Variants in RFX7 observed in about 807,000 individuals in gnomAD.
RFX7 encodes regulatory factor X7.
RFX7 carries 26 observed loss-of-function variants against 111.8 expected under a neutral mutation model. That is an observed-to-expected ratio of 0.23 (90% CI 0.17 to 0.32). The LOEUF (loss-of-function observed/expected upper bound fraction) is 0.32. RFX7 is among the 10% of genes least tolerant of loss of function. The pLI, the probability that RFX7 is intolerant of heterozygous loss-of-function variation, is 1.00. For synonymous variants in RFX7, 624 were observed against 624.4 expected, an observed-to-expected ratio of 1.00 and a Z score of 0.01; for missense variants, 1,573 against 1,772.9, an observed-to-expected ratio of 0.89 and a Z score of 2.02.
intron 8 of RFX7, among the ~76,000 whole-genome samples, chr15:56,098,841 C>T (rs1244853457): frequency 6.6e-6 from 1 of 152,124 alleles, no homozygotes; most frequent in African/African-American, 2.4e-5. Flanking sequence ...TTTGCTGAAG[C>T]CACTCCTCAT....
intron 6 of RFX7, 52 bp downstream of exon 6, chr15:56,103,502 A>AT (rs751628047): frequency 8.6e-6 from 10 of 1,159,044 alleles, no homozygotes; most frequent in Admixed American, 2.4e-5. Flanking sequence ...TAGATGTTCT[A>AT]TAACAAGTGA....
At chr15:56,201,568 A>C (rs1383223315) in intron 2 of RFX7, among the ~76,000 whole-genome samples, 2 of 152,204 alleles carry the variant, frequency 1.3e-5, no homozygotes, top group African/African-American at 4.8e-5. Context: ...TTATTAGTGG[A>C]AATAGGTAAA....
intron 2 of RFX7, among the ~76,000 whole-genome samples, chr15:56,220,120 T>C (rs1396102724): frequency 2.6e-5 from 4 of 152,262 alleles, no homozygotes; most frequent in African/African-American, 9.6e-5. Context: ...TGCATTTCTC[T>C]AATGATTAGT....
chr15:56,139,361 T>TCATTTCATC (rs1468547930), intron 5 of RFX7, among the ~76,000 whole-genome samples: 3 of 152,210 alleles, frequency 2.0e-5, no homozygotes, highest in Non-Finnish European at 4.4e-5. Context: ...TTCATTTCAT[T>TCATTTCATC]CATTTCATCA....
rs373965645 is a variant in RFX7, at chr15:56,101,345, C to T, written c.811+14G>A. On this transcript the variant is annotated intron_variant, in intron 8 of 9. Coordinates refer to ENST00000559447, the MANE Select transcript of RFX7 (RefSeq NM_022841.7). ...CCTCTGTCAGTTTTTAGCTTGTTCA[C>T]AGTAATGTTGTACCTGCTGGTGCTG... 1.4e-5 allele frequency: 22 copies of T among 1,562,800 alleles called. 1 individual carries two copies. The highest frequency in any genetic ancestry group is 3.8e-5 in the Admixed American group (2 of 52,520).
intron 2 of RFX7, among the ~76,000 whole-genome samples, chr15:56,238,903 GGCT>G (rs1258511910): frequency 6.6e-6 from 1 of 151,980 alleles, no homozygotes; most frequent in East Asian, 1.9e-4. Flanking sequence ...GCATGATCTC[GGCT>G]CACTGCAACC....
intron 8 of RFX7, among the ~76,000 whole-genome samples, chr15:56,099,366 G>C (rs1315580371): frequency 6.6e-6 from 1 of 152,158 alleles, no homozygotes; most frequent in Non-Finnish European, 1.5e-5. Context: ...ACTCAATAAT[G>C]ATGAGGATCT....
At chr15:56,163,274 T>C (rs955752695) in intron 3 of RFX7, among the ~76,000 whole-genome samples, 1 of 152,122 alleles carries the variant, frequency 6.6e-6, no homozygotes, top group African/African-American at 2.4e-5. Flanking sequence ...AAAGTAATTG[T>C]TAAGAATTAC....
intron 2 of RFX7, among the ~76,000 whole-genome samples, chr15:56,186,129 C>T (rs1183932071): frequency 6.6e-6 from 1 of 152,162 alleles, no homozygotes; most frequent in Non-Finnish European, 1.5e-5. Flanking sequence ...TCATATTTTA[C>T]CCTTCTACAT....
rs374288174 is a variant in RFX7 at position 56,174,623 on chromosome 15, T to G, written c.195+4647A>C. 1.3e-5 allele frequency among the ~76,000 whole-genome samples: 2 copies of G among 152,158 alleles called. 1 individual carries two copies. On this transcript the variant is annotated intron_variant, in intron 3 of 9. Transcript: ENST00000559447. ...TTAGTTGGACACGGCGGTGCATGCC[T>G]GTAGTCCCAGCTACTCGGGAGGCTG... is the stretch of plus-strand genomic sequence containing the variant.
intron 2 of RFX7, among the ~76,000 whole-genome samples, chr15:56,196,460 T>A (rs894441450): frequency 1.6e-4 from 25 of 152,070 alleles, no homozygotes; most frequent in Non-Finnish European, 3.1e-4. Flanking sequence ...TTTAAAAAAA[T>A]TTACTTAATA....
At chr15:56,223,292 C>G (rs1316956950) in intron 2 of RFX7, among the ~76,000 whole-genome samples, 1 of 152,184 alleles carries the variant, frequency 6.6e-6, no homozygotes, top group African/African-American at 2.4e-5. Context: ...TTCCTTCCAG[C>G]AGAAGCCTTA....
At chr15:56,181,017 A>G (rs1396226344) in intron 2 of RFX7, among the ~76,000 whole-genome samples, 1 of 152,178 alleles carries the variant, frequency 6.6e-6, no homozygotes, top group African/African-American at 2.4e-5. Flanking sequence ...CCTATCACCA[A>G]CCACCACACC....
chr15:56,240,294 C>T (rs1214698708), intron 2 of RFX7, among the ~76,000 whole-genome samples: 1 of 151,978 alleles, frequency 6.6e-6, no homozygotes, highest in African/African-American at 2.4e-5. Flanking sequence ...AACATGCAAG[C>T]TTGTTAACCT....
chr15:56,146,510 A>G (rs1275442275), intron 3 of RFX7, among the ~76,000 whole-genome samples: 1 of 152,194 alleles, frequency 6.6e-6, no homozygotes, highest in Non-Finnish European at 1.5e-5. Flanking sequence ...TGTAATAAAA[A>G]TATCATTTTT....
At chr15:56,118,216 T>G (rs2042033849) in intron 5 of RFX7, among the ~76,000 whole-genome samples, 1 of 152,184 alleles carries the variant, frequency 6.6e-6, no homozygotes, top group Non-Finnish European at 1.5e-5. Context: ...TTTGGTTATT[T>G]TAAAATGTAC....
chr15:56,235,393 C>T (rs1233990102), intron 2 of RFX7, among the ~76,000 whole-genome samples: 1 of 152,102 alleles, frequency 6.6e-6, no homozygotes, highest in Non-Finnish European at 1.5e-5. Flanking sequence ...CCAGGATAGT[C>T]TTGATCTCCT....
At chr15:56,241,265 T>C (rs771216701) in intron 2 of RFX7, among the ~76,000 whole-genome samples, 1 of 152,112 alleles carries the variant, frequency 6.6e-6, no homozygotes, top group African/African-American at 2.4e-5. Context: ...TAGGCTGTAA[T>C]GGATGTGCCA....
At chr15:56,141,067 C>T (rs1457277969) in intron 5 of RFX7, among the ~76,000 whole-genome samples, 1 of 152,198 alleles carries the variant, frequency 6.6e-6, no homozygotes, top group Non-Finnish European at 1.5e-5. Context: ...TTTGGAAAAC[C>T]AGCAAGACAT....
Sources: gnomAD v4.1 joint callset for allele counts (sites outside exome capture counted in the v4.1 genomes callset) on GRCh38, gnomAD v4.1.1 for gene constraint, MANE v1.5 for transcripts, NCBI Gene and HGNC (gene_info 2026-07-23, HGNC 2026-07-21) for gene names.